The following PIGO variants were observed in gnomAD, a reference collection of about 807,000 sequenced individuals.
PIGO encodes GPI ethanolamine phosphate transferase 3, catalytic subunit.
PIGO carries 66 observed loss-of-function variants against 86.9 expected under a neutral mutation model. The observed-to-expected ratio is 0.76, with a 90% confidence interval of 0.62 to 0.93. PIGO has a LOEUF of 0.93. Among genes scored for constraint, PIGO ranks in the 40% least tolerant of loss-of-function variants. The pLI is 0.00. For synonymous variants in PIGO, 570 were observed against 556.4 expected (o/e 1.02, Z -0.34); for missense variants, 1,202 against 1,359.1 (o/e 0.88, Z 1.82).
In PIGO at chr9:35,089,102, T is replaced by C. The variant is rs746940407; in HGVS notation, c.3260A>G (p.Gln1087Arg). Residue 1087 changes from glutamine (Q) to arginine (R), a missense_variant, in exon 11 of 11, where the codon CAG becomes CGG. By Grantham distance (43) the Gln-to-Arg change is conservative. Coordinates refer to ENST00000378617, the MANE Select transcript of PIGO (RefSeq NM_032634.4). The part of the protein sequence containing the change: ...SSWFRQLFLA[Q>R]QR ...TAATCACAGACTAGGCTACCTCTGC[T>C]GGGCCAGAAATAGCTGCCTGAACCA... 1.2e-6 allele frequency: 2 copies of C among 1,614,194 alleles called. No individual in the cohort carries two copies. The highest frequency in any genetic ancestry group is 1.7e-6 in the Non-Finnish European group (2 of 1,180,032).
In PIGO at chr9:35,092,618, A is replaced by T; in HGVS notation, c.1269T>A (p.Thr423=). ...SPKGAEATLP[T]VIAELQQFLR... ...GGAACTGCTGCAGCTCAGCAATCAC[A>T]GTCGGCAGTGTCGCCTCAGCCCCCT... Residue 423 remains threonine (T), a synonymous_variant, in exon 7 of 11, where the codon ACT becomes ACA. Transcript: ENST00000378617. 1.2e-6 allele frequency: 2 copies of T among 1,614,238 alleles called. No individual in the cohort carries two copies. Among genetic ancestry groups the T allele is most frequent in the Non-Finnish European group, 1.7e-6 (2 of 1,180,044 alleles).
chr9:35,090,634 C>T lies in PIGO; in HGVS notation c.2686G>A (p.Ala896Thr), dbSNP rs754244964. 1.2e-6 allele frequency: 2 copies of T among 1,613,994 alleles called. No individual in the cohort carries two copies. Among genetic ancestry groups the T allele is most frequent in the South Asian group, 2.2e-5 (2 of 91,080 alleles). The change falls in exon 8 of 11, where the codon GCC becomes ACC. Residue 896 changes from alanine (A) to threonine (T), a missense_variant. Ala to Thr is a moderately conservative substitution (Grantham distance 58). Coordinates refer to ENST00000378617, the MANE Select transcript of PIGO (RefSeq NM_032634.4). Reference sequence around the variant, plus strand: ...TAGAAGGTCTGTGTGGCCATGAGGGCCCAAGCCGAGACTGCCTGCCATGGC... The same window carrying T: ...TAGAAGGTCTGTGTGGCCATGAGGGTCCAAGCCGAGACTGCCTGCCATGGC... Reference protein sequence around the residue: ...TVPWQAVSAWALMATQTFYST... With the variant: ...TVPWQAVSAWTLMATQTFYST...
At chr9:35,093,746 G>T in intron 4 of PIGO, 155 bp downstream of exon 4, 1 of 1,446,102 alleles carries the variant, frequency 6.9e-7, no homozygotes. Context: ...GATGCCCAAA[G>T]CTACACATTG....
At chr9:35,095,843 G>A (rs1007162006) in intron 1 of PIGO, 201 of 295,640 alleles carry the variant, frequency 6.8e-4, no homozygotes, top group African/African-American at 8.2e-4. Context: ...GCGAAACCCC[G>A]TCCCTACTAA....
At chr9:35,092,897 G>T in intron 6 of PIGO, 130 bp from the exon 7 acceptor site, 1 of 1,376,602 alleles carries the variant, frequency 7.3e-7, no homozygotes, top group East Asian at 2.4e-5. Context: ...AATCGGGGAA[G>T]GGAGGGATAA....
intron 7 of PIGO, 137 bp downstream of exon 7, chr9:35,091,100 CAAG>C (rs1404811643): frequency 3.7e-5 from 36 of 979,714 alleles, no homozygotes; most frequent in Middle Eastern, 3.2e-4. Flanking sequence ...GAGAGGACAC[CAAG>C]AAGACCTTCC....
At position 35,090,288 on chromosome 9, in the gene PIGO, A is replaced by G; in HGVS notation, c.2855-8T>C. 6.2e-7 allele frequency: 1 copy of G among 1,612,130 alleles called. No individual in the cohort carries two copies. Among genetic ancestry groups the G allele is most frequent in the Non-Finnish European group, 8.5e-7 (1 of 1,178,592 alleles). ...GGAGCAGTGGGCAACCTACTGCCTC[A>G]AGAGAGGGTATGGCTGGAATCAACA... On this transcript the variant is annotated splice_region_variant and splice_polypyrimidine_tract_variant and intron_variant, in intron 8 of 10. Coordinates refer to ENST00000378617, the MANE Select transcript of PIGO (RefSeq NM_032634.4).
rs2131086491 is a variant in PIGO at position 35,096,239 on chromosome 9, AC to A, written c.-87del. ...CCGCAGGGGAATCCGGGCCCAGCCG[AC>A]GGCGCCGCCTGGCGGGCACCGAGGG... is the stretch of plus-strand genomic sequence containing the variant. On this transcript the variant is annotated 5_prime_UTR_variant, in exon 1 of 11. Transcript: ENST00000378617. 6.6e-6 allele frequency: 1 copy of A among 152,274 alleles called. No homozygotes were observed. Among genetic ancestry groups the A allele is most frequent in the East Asian group, 1.9e-4 (1 of 5,164 alleles). 9.4% of individuals were successfully genotyped at this position (152,274 alleles called of 1,614,324 possible). A position where few individuals can be genotyped will look rare whatever the true frequency, so the allele number is the denominator to read the frequency against.
chr9:35,094,952 T>G, intron 2 of PIGO, 103 bp downstream of exon 2: 2 of 1,435,770 alleles, frequency 1.4e-6, no homozygotes, highest in Non-Finnish European at 1.9e-6. Flanking sequence ...CCCTACACCA[T>G]AATCAAGTGT....
rs776193843 is a variant in PIGO at position 35,092,505 on chromosome 9, G to A, written c.1382C>T (p.Ser461Phe). The A allele has an allele frequency of 1.2e-6, 2 of 1,614,212 alleles. No homozygotes were observed. Among genetic ancestry groups the A allele is most frequent in the East Asian group, 4.5e-5 (2 of 44,880 alleles). ...AGATGCCAGCAGGCAGATAAAGCAG[G>A]AAGCAGCCAAGAGAGCAGTACCCCC... is the stretch of plus-strand genomic sequence containing the variant. ...MAGGTALLAA[S>F]CFICLLASQW... The change falls in exon 7 of 11, where the codon TCC (serine) becomes TTC (phenylalanine). Residue 461 changes from serine (S) to phenylalanine (F), a missense_variant. By Grantham distance (155) the Ser-to-Phe change is radical (BLOSUM62 -2). Coordinates refer to ENST00000378617, the MANE Select transcript of PIGO (RefSeq NM_032634.4).
chr9:35,095,963 C>CACT, intron 1 of PIGO, 192 bp downstream of exon 1: 1 of 190,250 alleles, frequency 5.3e-6, no homozygotes, highest in Non-Finnish European at 1.1e-5. Flanking sequence ...GAGATTGAAC[C>CACT]ACTGCACTAG....
At position 35,092,413 on chromosome 9, in the gene PIGO, C is replaced by A; in HGVS notation, c.1474G>T (p.Val492Phe). The change falls in exon 7 of 11, where the codon GTT (valine) becomes TTT (phenylalanine). Residue 492 changes from valine to phenylalanine, a missense_variant. Coordinates refer to ENST00000378617, the MANE Select transcript of PIGO (RefSeq NM_032634.4). ...AGTCCAGCATACGCTATGGCCCCAACCAGGCCCCAGGCCACAGGTGTCAGG... is the reference window on the plus strand; with the variant it reads ...AGTCCAGCATACGCTATGGCCCCAAACAGGCCCCAGGCCACAGGTGTCAGG... ...LLLTPVAWGLVGAIAYAGLLG... is the reference protein window; with the variant it reads ...LLLTPVAWGLFGAIAYAGLLG... The A allele has an allele frequency of 6.2e-7, 1 of 1,614,256 alleles. No homozygotes were observed. Among genetic ancestry groups the A allele is most frequent in the African/African-American group, 1.3e-5 (1 of 75,072 alleles).
Position 35,090,287 on chromosome 9 carries a change from CAA to C in PIGO, c.2855-9_2855-8del. On this transcript the variant is annotated splice_polypyrimidine_tract_variant and splice_region_variant and intron_variant, in intron 8 of 10. Coordinates refer to ENST00000378617, the MANE Select transcript of PIGO (RefSeq NM_032634.4). ...AGGAGCAGTGGGCAACCTACTGCCTCAAGAGAGGGTATGGCTGGAATCAACAG... is the reference window on the plus strand; with the variant it reads ...AGGAGCAGTGGGCAACCTACTGCCTCGAGAGGGTATGGCTGGAATCAACAG... 1 of 1,612,114 alleles carries C rather than the reference CAA, an allele frequency of 6.2e-7. No homozygotes were observed.
In PIGO at chr9:35,092,166, G is replaced by A. The variant is rs558371613; in HGVS notation, c.1721C>T (p.Pro574Leu). 1.2e-6 allele frequency: 2 copies of A among 1,614,212 alleles called. No homozygotes were observed. Among genetic ancestry groups the A allele is most frequent in the South Asian group, 2.2e-5 (2 of 91,084 alleles). The change falls in exon 7 of 11, where the codon CCC (proline) becomes CTC (leucine). Residue 574 changes from proline (P) to leucine (L), a missense_variant. Transcript: ENST00000378617. Reference protein sequence around the residue: ...SFVVAEARATPFLLGSFILLL... With the variant: ...SFVVAEARATLFLLGSFILLL... ...CAGGATGAATGAGCCCAAAAGGAAGGGGGTGGCCCTGGCCTCAGCTACAAC... is the reference window on the plus strand; with the variant it reads ...CAGGATGAATGAGCCCAAAAGGAAGAGGGTGGCCCTGGCCTCAGCTACAAC...
In PIGO at chr9:35,089,104, G is replaced by A. The variant is rs1829299072; in HGVS notation, c.3258C>T (p.Ala1086=). The A allele has an allele frequency of 1.2e-6, 2 of 1,614,022 alleles. No homozygotes were observed. Among genetic ancestry groups the A allele is most frequent in the African/African-American group, 1.3e-5 (1 of 74,904 alleles). The change falls in exon 11 of 11, where the codon GCC becomes GCT. Residue 1086 remains alanine, a synonymous_variant. Transcript: ENST00000378617. ...VSSWFRQLFL[A]QQR ...ATCACAGACTAGGCTACCTCTGCTG[G>A]GCCAGAAATAGCTGCCTGAACCAGG...
rs746494095 is a variant in PIGO at position 35,092,370 on chromosome 9, A to AG, written c.1516dup (p.Leu506ProfsTer58). On this transcript the variant is annotated frameshift_variant, in exon 7 of 11. Transcript: ENST00000378617. LOFTEE classifies it high-confidence loss of function. ...CCCTAGAAGCACTAGATCTAGCTTC[A>AG]GCTCAATAGTTCCCAGGAGTCCAGC... is the stretch of plus-strand genomic sequence containing the variant. The AG allele has an allele frequency of 1.2e-6, 2 of 1,614,262 alleles. No homozygotes were observed. The highest frequency in any genetic ancestry group is 1.7e-6 in the Non-Finnish European group (2 of 1,180,036).
chr9:35,090,468 G>T lies in PIGO; in HGVS notation c.2852C>A (p.Ala951Glu). The T allele has an allele frequency of 1.9e-6, 3 of 1,608,816 alleles. No homozygotes were observed. The highest frequency in any genetic ancestry group is 2.7e-5 in the African/African-American group (2 of 74,970). The change falls in exon 8 of 11, where the codon GCA becomes GAA. Residue 951 changes from alanine to glutamate, a missense_variant and splice_region_variant. Ala to Glu is a moderately radical substitution (Grantham distance 107). Coordinates refer to ENST00000378617, the MANE Select transcript of PIGO (RefSeq NM_032634.4). ...ANTFASHLLF[A>E]VGCPLLLLWP... ...GCAAGTGAAGGAGGAGGGGGTACCT[G>T]CAAAGAGGAGGTGGGAGGCAAAGGT...
chr9:35,090,987 G>A (rs1365100825), intron 7 of PIGO: 2 of 574,114 alleles, frequency 3.5e-6, no homozygotes, highest in African/African-American at 1.9e-5. Flanking sequence ...TCATGAGGAT[G>A]CAGCATTTCC....
chr9:35,093,403 GA>G lies in PIGO; in HGVS notation c.939+17del. On this transcript the variant is annotated intron_variant, in intron 5 of 10. Coordinates refer to ENST00000378617, the MANE Select transcript of PIGO (RefSeq NM_032634.4). ...GCTGATTACTGGGAGAACAGATGAG[GA>G]ACATCCCAGGCCTCACCTCTGGTGG... 4 of 1,613,856 alleles carry G rather than the reference GA, an allele frequency of 2.5e-6. No individual in the cohort carries two copies. The highest frequency in any genetic ancestry group is 3.4e-6 in the Non-Finnish European group (4 of 1,179,900).
Sources: allele counts gnomAD v4.1 joint callset, GRCh38; gene constraint gnomAD v4.1.1; transcripts MANE v1.5; gene names NCBI Gene and HGNC (gene_info 2026-07-23, HGNC 2026-07-21).